The following KIAA1549L variants were observed in gnomAD, a reference collection of about 807,000 sequenced individuals.
KIAA1549L encodes the protein KIAA1549 like, also known as UPF0606 protein KIAA1549L.
KIAA1549L carries 88 observed loss-of-function variants against 160.7 expected under a neutral mutation model. The observed-to-expected ratio is 0.55, with a 90% CI of 0.46 to 0.65. The LOEUF (loss-of-function observed/expected upper bound fraction) is 0.65. Ranked by LOEUF, KIAA1549L falls within the 30% of genes least tolerant of loss-of-function variation. KIAA1549L has a pLI of 0.00. For missense variants in KIAA1549L, 2,258 were observed against 2,437.5 expected (o/e 0.93, Z 1.55); for synonymous variants, 950 against 976.7 (o/e 0.97, Z 0.51).
chr11:33,404,835 C>T (rs1850611502), intron 1 of KIAA1549L, among the ~76,000 whole-genome samples: 1 of 151,408 alleles, frequency 6.6e-6, no homozygotes, highest in South Asian at 2.1e-4. Flanking sequence ...CATGGTGAAA[C>T]CGGTCTCTAA....
chr11:33,385,952 T>C (rs913907995), intron 1 of KIAA1549L, among the ~76,000 whole-genome samples: 9 of 152,234 alleles, frequency 5.9e-5, no homozygotes, highest in South Asian at 2.1e-4. Context: ...ATGACCCTCC[T>C]AAACTCATTT....
At chr11:33,596,062 G>A (rs1438087346) in intron 12 of KIAA1549L, among the ~76,000 whole-genome samples, 7 of 152,256 alleles carry the variant, frequency 4.6e-5, no homozygotes, top group African/African-American at 9.6e-5. Flanking sequence ...GCCGTGATTC[G>A]TGCCATGTTC....
Position 33,475,558 on chromosome 11 carries a change from T to TA in KIAA1549L, c.239-66232dup, listed in dbSNP as rs561392965. ...GTGACAGAGTGAGATCCTGTCTCTT[T>TA]AAAAAAAAAAAAGGCCAGGTGCAGC... On this transcript the variant is annotated intron_variant, in intron 1 of 20. Transcript: ENST00000658780. Among the ~76,000 whole-genome samples, 1,008 of 139,100 alleles carry TA rather than the reference T, an allele frequency of 7.2e-3. 10 individuals carry two copies. Among genetic ancestry groups the TA allele is most frequent in the African/African-American group, 1.0e-2 (378 of 37,874 alleles). The allele number at this position is 139,100 out of a possible 152,430, so 91.3% of individuals were successfully genotyped here.
chr11:33,564,660 C>G (rs1854986923), intron 8 of KIAA1549L, among the ~76,000 whole-genome samples: 1 of 152,234 alleles, frequency 6.6e-6, no homozygotes, highest in African/African-American at 2.4e-5. Flanking sequence ...TTATTTCTCC[C>G]ACCAGAGGCA....
chr11:33,616,830 A>G (rs1299505538), intron 15 of KIAA1549L, among the ~76,000 whole-genome samples: 1 of 152,176 alleles, frequency 6.6e-6, no homozygotes, highest in Non-Finnish European at 1.5e-5. Flanking sequence ...CTAGAATCTT[A>G]GAATAGAGAC....
chr11:33,484,482 G>A (rs758567171), intron 1 of KIAA1549L, among the ~76,000 whole-genome samples: 12 of 152,208 alleles, frequency 7.9e-5, no homozygotes, highest in East Asian at 1.9e-4. Flanking sequence ...GACCAGCTCC[G>A]CCATTTATAG....
intron 1 of KIAA1549L, among the ~76,000 whole-genome samples, chr11:33,462,871 G>A (rs570065025): frequency 6.6e-6 from 1 of 151,584 alleles, no homozygotes; most frequent in East Asian, 1.9e-4. Flanking sequence ...GTCTTCCTCT[G>A]TTGCTCAGGC....
rs752644659 is a variant in KIAA1549L, at chr11:33,551,022, G to A, written c.3502-18G>A. 3 of 1,594,452 alleles carry A rather than the reference G, an allele frequency of 1.9e-6. No individual in the cohort carries two copies. In the South Asian group the frequency reaches 3.3e-5, roughly 18 times the overall value. ...GTGGAAATAAACAATGGGTTTTGTG[G>A]GTCCATTTGTTTTGTAGGTGGACAT... is the stretch of plus-strand genomic sequence containing the variant. On this transcript the variant is annotated intron_variant, in intron 4 of 20. Transcript: ENST00000658780.
intron 1 of KIAA1549L, among the ~76,000 whole-genome samples, chr11:33,420,240 T>TTGTTTG (rs1476162743): frequency 4.0e-5 from 6 of 149,444 alleles, no homozygotes; most frequent in African/African-American, 7.4e-5. Flanking sequence ...TTTTTGTTTT[T>TTGTTTG]TTTTTTTTTT....
At chr11:33,416,149 G>A (rs148464352) in intron 1 of KIAA1549L, among the ~76,000 whole-genome samples, 99 of 152,210 alleles carry the variant, frequency 6.5e-4, no homozygotes, top group African/African-American at 2.1e-3. Context: ...CCTGAGTTAC[G>A]CGTCCTGAAA....
At chr11:33,521,700 T>TC (rs1250645250) in intron 1 of KIAA1549L, among the ~76,000 whole-genome samples, 1 of 152,206 alleles carries the variant, frequency 6.6e-6, no homozygotes, top group African/African-American at 2.4e-5. Flanking sequence ...CTTAGGCCTC[T>TC]CTTAGACAAG....
intron 16 of KIAA1549L, among the ~76,000 whole-genome samples, chr11:33,631,615 C>T (rs1361728809): frequency 6.6e-6 from 1 of 152,210 alleles, no homozygotes; most frequent in Non-Finnish European, 1.5e-5. Context: ...GTCAAACCTG[C>T]TCCTGGCTGA....
intron 16 of KIAA1549L, among the ~76,000 whole-genome samples, chr11:33,641,949 C>T (rs934913470): frequency 3.3e-5 from 5 of 151,986 alleles, no homozygotes; most frequent in African/African-American, 1.2e-4. Flanking sequence ...AGTATTGTAT[C>T]CATCACCCCC....
intron 1 of KIAA1549L, among the ~76,000 whole-genome samples, chr11:33,406,167 T>C (rs1042200682): frequency 6.6e-6 from 1 of 152,202 alleles, no homozygotes; most frequent in Admixed American, 6.5e-5. Context: ...TAGATTTTTG[T>C]TGTTGTGAAT....
At chr11:33,590,366 C>T (rs1850017551) in intron 11 of KIAA1549L, among the ~76,000 whole-genome samples, 1 of 152,202 alleles carries the variant, frequency 6.6e-6, no homozygotes, top group South Asian at 2.1e-4. Context: ...TTTTACCCAC[C>T]ACACTGTCCT....
At chr11:33,490,688 C>G (rs1261080844) in intron 1 of KIAA1549L, among the ~76,000 whole-genome samples, 1 of 152,162 alleles carries the variant, frequency 6.6e-6, no homozygotes, top group Non-Finnish European at 1.5e-5. Flanking sequence ...TTCCCCACAC[C>G]CATTACTTTT....
intron 1 of KIAA1549L, among the ~76,000 whole-genome samples, chr11:33,479,774 G>A (rs1433652423): frequency 3.3e-5 from 5 of 152,118 alleles, no homozygotes; most frequent in Admixed American, 2.6e-4. Context: ...AGCCAATGCC[G>A]GGCACATTTT....
intron 2 of KIAA1549L, 70 bp from the exon 3 acceptor site, chr11:33,544,697 A>G (rs754735197): frequency 6.6e-5 from 101 of 1,520,962 alleles, no homozygotes; most frequent in Non-Finnish European, 8.6e-5. Flanking sequence ...AGTTACATCC[A>G]TTCATCATCA....
intron 12 of KIAA1549L, among the ~76,000 whole-genome samples, chr11:33,595,190 TAAC>T (rs2133295813): frequency 6.6e-6 from 1 of 152,320 alleles, no homozygotes; most frequent in Non-Finnish European, 1.5e-5. Context: ...ATGAAGATGA[TAAC>T]ACATATATTC....
Sources: gnomAD v4.1 joint callset for allele counts (sites outside exome capture counted in the v4.1 genomes callset) on GRCh38, gnomAD v4.1.1 for gene constraint, MANE v1.5 for transcripts, NCBI Gene and HGNC (gene_info 2026-07-23, HGNC 2026-07-21) for gene names.